The following PCDHGB6 variants were observed in gnomAD, a reference collection of about 807,000 sequenced individuals.
PCDHGB6 encodes protocadherin gamma-B6.
In PCDHGB6, 51 loss-of-function variants were observed where a neutral mutation model predicts 59.1. That is an observed-to-expected ratio of 0.86 (90% CI 0.69 to 1.09). PCDHGB6 has a LOEUF of 1.09. Ranked by LOEUF, PCDHGB6 falls within the 50% of genes least tolerant of loss-of-function variation. The pLI is 0.00. For missense variants in PCDHGB6, 1,148 were observed against 1,205.1 expected (o/e 0.95, Z 0.70); for synonymous variants, 466 against 495.1 (o/e 0.94, Z 0.78).
At chr5:141,440,579 C>G (rs1004258822) in intron 1 of PCDHGB6, 12 of 152,188 alleles carry the variant, frequency 7.9e-5, no homozygotes, top group African/African-American at 2.7e-4. Flanking sequence ...TGAGTTTACC[C>G]AGCTGGAACA....
chr5:141,427,481 C>G, intron 1 of PCDHGB6: 2 of 534,060 alleles, frequency 3.7e-6, no homozygotes, highest in Non-Finnish European at 7.2e-6. Flanking sequence ...CCAATAATGA[C>G]TATAAGCTTG....
intron 1 of PCDHGB6, among the ~76,000 whole-genome samples, chr5:141,447,165 G>T (rs1192617600): frequency 6.6e-6 from 1 of 151,842 alleles, no homozygotes; most frequent in African/African-American, 2.4e-5. Flanking sequence ...TTTAAGCGGG[G>T]TCTTGCTCTT....
intron 1 of PCDHGB6, chr5:141,478,480 G>T: frequency 2.5e-6 from 4 of 1,613,564 alleles, no homozygotes; most frequent in Non-Finnish European, 3.4e-6. Flanking sequence ...GCCAGAACAC[G>T]CTGCGGAGCT....
chr5:141,421,255 C>T lies in PCDHGB6; in HGVS notation c.2418+10635C>T, dbSNP rs759899934. On this transcript the variant is annotated intron_variant, in intron 1 of 3. Coordinates refer to ENST00000520790, the MANE Select transcript of PCDHGB6 (RefSeq NM_018926.3). ...GGCGAATCGGCTACAGCGCGGGGAC[C>T]GCAGTCGGCTGCTGCTGCTGCTGTG... 5.2e-5 allele frequency: 84 copies of T among 1,607,644 alleles called. No individual in the cohort carries two copies. Among genetic ancestry groups the T allele is most frequent in the Non-Finnish European group, 6.8e-5 (80 of 1,177,916 alleles).
chr5:141,409,047 G>T lies in PCDHGB6; in HGVS notation c.845G>T (p.Arg282Leu). The change falls in exon 1 of 4, where the codon CGA becomes CTA. Residue 282 changes from arginine (R) to leucine (L), a missense_variant. Coordinates refer to ENST00000520790, the MANE Select transcript of PCDHGB6 (RefSeq NM_018926.3). ...GVNAEINYYF[R>L]STAQSTKHMF... is the part of the protein sequence containing the mutation. The stretch of plus-strand genomic sequence containing the variant: ...AATGCTGAGATAAACTACTACTTCC[G>T]AAGCACTGCCCAGAGCACAAAACAT... The T allele has an allele frequency of 1.2e-6, 2 of 1,613,982 alleles. No homozygotes were observed. Among genetic ancestry groups the T allele is most frequent in the Admixed American group, 1.7e-5 (1 of 60,024 alleles).
intron 1 of PCDHGB6, chr5:141,478,456 T>A (rs371773090): frequency 3.1e-6 from 5 of 1,613,366 alleles, no homozygotes; most frequent in African/African-American, 2.7e-5. Context: ...GTGCAGCCAG[T>A]CCACTGGCCA....
chr5:141,444,341 T>C (rs909401337), intron 1 of PCDHGB6, among the ~76,000 whole-genome samples: 2 of 151,892 alleles, frequency 1.3e-5, no homozygotes, highest in African/African-American at 4.8e-5. Context: ...CCAGCTAATT[T>C]TGTATTTTTA....
At chr5:141,479,633 T>TAACAAC (rs749744124) in intron 1 of PCDHGB6, 1 of 152,114 alleles carries the variant, frequency 6.6e-6, no homozygotes, top group Admixed American at 6.5e-5. Flanking sequence ...TCTTTAACAA[T>TAACAAC]AACAACAACA....
At chr5:141,478,545 A>C in intron 1 of PCDHGB6, 1 of 1,605,606 alleles carries the variant, frequency 6.2e-7, no homozygotes, top group Non-Finnish European at 8.5e-7. Flanking sequence ...CCTCCCGGAC[A>C]GGTAAGGTTT....
chr5:141,458,702 T>G (rs1333580253), intron 1 of PCDHGB6, among the ~76,000 whole-genome samples: 1 of 152,102 alleles, frequency 6.6e-6, no homozygotes, highest in East Asian at 1.9e-4. Context: ...CCCGAGTAGC[T>G]GGGATTACAG....
At chr5:141,427,922 G>T (rs949317839) in intron 1 of PCDHGB6, 2 of 1,580,624 alleles carry the variant, frequency 1.3e-6, no homozygotes, top group African/African-American at 1.3e-5. Context: ...ACATGAGCCG[G>T]CGCATGTTGG....
chr5:141,423,061 G>T, intron 1 of PCDHGB6: 2 of 1,614,160 alleles, frequency 1.2e-6, no homozygotes, highest in Non-Finnish European at 1.7e-6. Context: ...CCTGCTTAAG[G>T]CCAGCGAGCC....
intron 1 of PCDHGB6, chr5:141,484,931 A>T: frequency 4.0e-6 from 2 of 498,120 alleles, no homozygotes; most frequent in South Asian, 5.3e-5. Context: ...TGCTGTTGGG[A>T]CGTTCTCTGC....
In PCDHGB6 at chr5:141,487,046, G is replaced by A; in HGVS notation, c.2419-7761G>A. ...CAGCCTGTTTGCAGTCTCTCGATATGCTGGGGAGGTGCGGACGGCTGTTCC... is the reference window on the plus strand; with the variant it reads ...CAGCCTGTTTGCAGTCTCTCGATATACTGGGGAGGTGCGGACGGCTGTTCC... On this transcript the variant is annotated intron_variant, in intron 1 of 3. Coordinates refer to ENST00000520790, the MANE Select transcript of PCDHGB6 (RefSeq NM_018926.3). The surrounding 1 kb of genome is among the most constrained non-coding windows in gnomAD (Gnocchi z 5.0). 6.2e-7 allele frequency: 1 copy of A among 1,614,192 alleles called. No individual in the cohort carries two copies. Among genetic ancestry groups the A allele is most frequent in the Non-Finnish European group, 8.5e-7 (1 of 1,180,040 alleles).
At chr5:141,418,794 TAGAA>T in intron 1 of PCDHGB6, 1 of 1,613,706 alleles carries the variant, frequency 6.2e-7, no homozygotes, top group South Asian at 1.1e-5. Flanking sequence ...TTTGAAGAAG[TAGAA>T]AGATATACGA....
At chr5:141,427,082 C>T (rs1335319344) in intron 1 of PCDHGB6, 1 of 458,118 alleles carries the variant, frequency 2.2e-6, no homozygotes, top group Admixed American at 2.3e-5. Flanking sequence ...CAGCCACTGA[C>T]CAGGATGAGG....
Position 141,421,056 on chromosome 5 carries a change from A to G in PCDHGB6, c.2418+10436A>G, listed in dbSNP as rs1378326708. On this transcript the variant is annotated intron_variant, in intron 1 of 3. Coordinates refer to ENST00000520790, the MANE Select transcript of PCDHGB6 (RefSeq NM_018926.3). ...TCCCTCCCTCCCCCGCCTCTACCACACAAAGCGGAATGAGATGGATACTCA... is the reference window on the plus strand; with the variant it reads ...TCCCTCCCTCCCCCGCCTCTACCACGCAAAGCGGAATGAGATGGATACTCA... 5 of 576,490 alleles carry G rather than the reference A, an allele frequency of 8.7e-6. No individual in the cohort carries two copies. In the East Asian group the frequency reaches 9.2e-5, roughly 11 times the overall value. The allele number at this position is 576,490 out of a possible 1,614,324, so 35.7% of individuals were successfully genotyped here. A position where few individuals can be genotyped will look rare whatever the true frequency, so the allele number is the denominator to read the frequency against.
Position 141,467,771 on chromosome 5 carries a change from A to G in PCDHGB6, c.2419-27036A>G, listed in dbSNP as rs542500016. Among the ~76,000 whole-genome samples, 11 of 151,422 alleles carry G rather than the reference A, an allele frequency of 7.3e-5. No individual in the cohort carries two copies. The South Asian group carries it at 2.3e-3, about 32-fold the overall frequency. On this transcript the variant is annotated intron_variant, in intron 1 of 3. Transcript: ENST00000520790. Reference sequence around the variant, plus strand: ...CCGCCTCACATGCTCAAGTGCCCGCACCTCAGCCTCTCAAGTAGCTGGGAC... The same window carrying G: ...CCGCCTCACATGCTCAAGTGCCCGCGCCTCAGCCTCTCAAGTAGCTGGGAC...
In PCDHGB6 at chr5:141,512,443, CCTT is replaced by C. The variant is rs1263805618; in HGVS notation, c.*1272_*1274del. On this transcript the variant is annotated 3_prime_UTR_variant, in exon 4 of 4. Coordinates refer to ENST00000520790, the MANE Select transcript of PCDHGB6 (RefSeq NM_018926.3). ...GCCCCTGCCCTCCTGAAGCCTCAGT[CCTT>C]CACCTTGCCAGGTGCCGTTTCTCTT... The C allele has an allele frequency of 1.3e-5, 2 of 152,896 alleles. No homozygotes were observed. The highest frequency in any genetic ancestry group is 4.8e-5 in the African/African-American group (2 of 41,468). 9.5% of individuals were successfully genotyped at this position (152,896 alleles called of 1,614,324 possible).
Sources: allele counts gnomAD v4.1 joint callset (sites outside exome capture counted in the v4.1 genomes callset), GRCh38; gene constraint gnomAD v4.1.1; non-coding constraint Gnocchi (gnomAD v3.1); transcripts MANE v1.5; gene names NCBI Gene and HGNC (gene_info 2026-07-23, HGNC 2026-07-21).